The following SYN2 variants were observed in gnomAD, a reference collection of about 807,000 sequenced individuals.
SYN2 encodes synapsin-2.
Under a neutral mutation model 50.9 loss-of-function variants are expected in SYN2, and 19 were observed. That is an observed-to-expected ratio of 0.37 (90% CI 0.26 to 0.55). The LOEUF (loss-of-function observed/expected upper bound fraction) is 0.55, where lower values mean the gene tolerates loss of function less well. SYN2 is among the 20% of genes least tolerant of loss of function. The pLI is 0.81. For missense variants in SYN2, 587 were observed against 576.4 expected (o/e 1.02, Z -0.19); for synonymous variants, 255 against 224.9 (o/e 1.13, Z -1.20).
At position 12,004,669 on chromosome 3, in the gene SYN2, C is replaced by T. The variant is rs537422953; in HGVS notation, c.118C>T (p.Pro40Ser). The T allele has an allele frequency of 3.2e-4, 99 of 307,882 alleles. No individual in the cohort carries two copies. In the South Asian group the frequency reaches 7.8e-3, roughly 24 times the overall value. The allele number at this position is 307,882 out of a possible 1,614,324, so 19.1% of individuals were successfully genotyped here. ...EPQQPPPPPP[P>S]GPGAASASAA... Reference sequence around the variant, plus strand: ...CCAGCAGCCGCCGCCGCCGCCGCCCCCCGGTCCGGGCGCCGCCTCGGCCTC... The same window carrying T: ...CCAGCAGCCGCCGCCGCCGCCGCCCTCCGGTCCGGGCGCCGCCTCGGCCTC... Residue 40 changes from proline (P) to serine (S), a missense_variant, in exon 1 of 13, where the codon CCC becomes TCC. Coordinates refer to ENST00000621198, the MANE Select transcript of SYN2 (RefSeq NM_133625.6).
At chr3:12,120,707 A>G (rs1696537691) in intron 1 of SYN2, among the ~76,000 whole-genome samples, 1 of 152,116 alleles carries the variant, frequency 6.6e-6, no homozygotes, top group Non-Finnish European at 1.5e-5. Context: ...ACCTGAGGGA[A>G]TACATCTCAA....
chr3:12,009,715 A>G (rs1443817385), intron 1 of SYN2, among the ~76,000 whole-genome samples: 1 of 152,172 alleles, frequency 6.6e-6, no homozygotes, highest in African/African-American at 2.4e-5. Flanking sequence ...CCATGTAAGC[A>G]CGCTCTCACA....
At chr3:12,060,629 C>G (rs1438288771) in intron 1 of SYN2, among the ~76,000 whole-genome samples, 1 of 152,150 alleles carries the variant, frequency 6.6e-6, no homozygotes, top group African/African-American at 2.4e-5. Context: ...CACACAGACT[C>G]TATCTGAGGG....
chr3:12,046,418 G>C (rs1694739975), intron 1 of SYN2, among the ~76,000 whole-genome samples: 1 of 152,206 alleles, frequency 6.6e-6, no homozygotes, highest in Non-Finnish European at 1.5e-5. Flanking sequence ...TAGAGAGGGG[G>C]AGAATGTGTG....
rs1279030615 is a variant in SYN2, at chr3:12,042,221, T to C, written c.377+37293T>C. Among the ~76,000 whole-genome samples, 3 of 152,376 alleles carry C rather than the reference T, an allele frequency of 2.0e-5. No homozygotes were observed. The East Asian group carries it at 5.8e-4, about 29-fold the overall frequency. On this transcript the variant is annotated intron_variant, in intron 1 of 12. Transcript: ENST00000621198. ...TTTTGTAAATAATGACTAGTATTTG[T>C]ATATCATGTTAAAGTTCACAAAATG...
At chr3:12,137,224 C>T (rs1046678520) in intron 1 of SYN2, among the ~76,000 whole-genome samples, 25 of 147,628 alleles carry the variant, frequency 1.7e-4, no homozygotes, top group Non-Finnish European at 3.0e-4. Flanking sequence ...CTCTAGCCCG[C>T]GCAACAGAGC....
chr3:12,084,267 A>G (rs377166108), intron 1 of SYN2, among the ~76,000 whole-genome samples: 3 of 152,160 alleles, frequency 2.0e-5, no homozygotes, highest in Non-Finnish European at 4.4e-5. Flanking sequence ...TCAAAATAAT[A>G]GAGAGTTTTA....
chr3:12,050,120 C>G (rs573864277), intron 1 of SYN2, among the ~76,000 whole-genome samples: 96 of 151,958 alleles, frequency 6.3e-4, no homozygotes, highest in Non-Finnish European at 1.3e-3. Flanking sequence ...AGGCTGGTCT[C>G]GAACTCATGA....
At chr3:12,045,148 C>T (rs1694707098) in intron 1 of SYN2, among the ~76,000 whole-genome samples, 1 of 152,202 alleles carries the variant, frequency 6.6e-6, no homozygotes, top group Admixed American at 6.5e-5. Context: ...TGTACCACCA[C>T]CAGAGAGCTG....
Position 12,139,488 on chromosome 3 carries a change from TGGC to T in SYN2, c.378-1162_378-1160del, listed in dbSNP as rs1476622677. 2.0e-5 allele frequency among the ~76,000 whole-genome samples: 3 copies of T among 152,306 alleles called. No individual in the cohort carries two copies. The East Asian group carries it at 5.8e-4, about 29-fold the overall frequency. On this transcript the variant is annotated intron_variant, in intron 1 of 12. Coordinates refer to ENST00000621198, the MANE Select transcript of SYN2 (RefSeq NM_133625.6). ...GTGCCACAGACTTAGATGTGAATAC[TGGC>T]TCTGCCACTAACTTGCTATAGGGCC...
Position 12,158,756 on chromosome 3 carries a change from C to T in SYN2, c.775-2790C>T, listed in dbSNP as rs751613583. On this transcript the variant is annotated intron_variant, in intron 5 of 12. Transcript: ENST00000621198. ...GGGTGCGCCGGGGCGCAGCTGCATGCCTCACCCAGCCCCGGGGGCCGCAGC... is the reference window on the plus strand; with the variant it reads ...GGGTGCGCCGGGGCGCAGCTGCATGTCTCACCCAGCCCCGGGGGCCGCAGC... 48 of 1,607,452 alleles carry T rather than the reference C, an allele frequency of 3.0e-5. No homozygotes were observed. The highest frequency in any genetic ancestry group is 3.9e-5 in the Non-Finnish European group (46 of 1,179,352).
In SYN2 at chr3:12,004,507, C is replaced by G. The variant is rs746656474; in HGVS notation, c.-45C>G. On this transcript the variant is annotated 5_prime_UTR_variant, in exon 1 of 13. Coordinates refer to ENST00000621198, the MANE Select transcript of SYN2 (RefSeq NM_133625.6). Reference sequence around the variant, plus strand: ...CTTCCGCCCTCGCTCTCCCTCCGCGCCACCAGACCCCGTAGCCCCGCGCGC... The same window carrying G: ...CTTCCGCCCTCGCTCTCCCTCCGCGGCACCAGACCCCGTAGCCCCGCGCGC... 2.0e-6 allele frequency: 1 copy of G among 493,962 alleles called. No individual in the cohort carries two copies. The highest frequency in any genetic ancestry group is 3.8e-6 in the Non-Finnish European group (1 of 262,506). 30.6% of individuals were successfully genotyped at this position (493,962 alleles called of 1,614,324 possible). A position where few individuals can be genotyped will look rare whatever the true frequency, so the allele number is the denominator to read the frequency against.
rs759563134 is a variant in SYN2 at position 12,167,268 on chromosome 3, A to C, written c.1015A>C (p.Thr339Pro). Reference protein sequence around the residue: ...TSISGNWKTNTGSAMLEQIAM... With the variant: ...TSISGNWKTNPGSAMLEQIAM... ...GATCTCAGGGAACTGGAAGACGAAC[A>C]CTGGCTCTGCGATGCTGGAGCAGAT... The change falls in exon 8 of 13, where the codon ACT (threonine) becomes CCT (proline). Residue 339 changes from threonine (T) to proline (P), a missense_variant. Coordinates refer to ENST00000621198, the MANE Select transcript of SYN2 (RefSeq NM_133625.6). The C allele has an allele frequency of 6.2e-7, 1 of 1,613,068 alleles. No individual in the cohort carries two copies. Among genetic ancestry groups the C allele is most frequent in the East Asian group, 2.2e-5 (1 of 44,884 alleles).
chr3:12,070,305 CT>C (rs1465448897), intron 1 of SYN2: 7 of 499,892 alleles, frequency 1.4e-5, no homozygotes, highest in African/African-American at 5.9e-5. Context: ...ACGACGCCCC[CT>C]GAGCCGTGTT....
chr3:12,034,861 A>C (rs1240540288), intron 1 of SYN2, among the ~76,000 whole-genome samples: 2 of 152,070 alleles, frequency 1.3e-5, no homozygotes, highest in African/African-American at 4.8e-5. Flanking sequence ...TCACATGCAA[A>C]ATATATTTAT....
chr3:12,162,278 CCTTTT>C, intron 7 of SYN2, 124 bp downstream of exon 7: 1 of 1,243,876 alleles, frequency 8.0e-7, no homozygotes, highest in African/African-American at 1.5e-5. Flanking sequence ...TACCTGGGTT[CCTTTT>C]AAGTCAGAGG....
chr3:12,120,983 G>A, intron 1 of SYN2, among the ~76,000 whole-genome samples: 1 of 152,082 alleles, frequency 6.6e-6, no homozygotes, highest in East Asian at 1.9e-4. Flanking sequence ...TAACTTTTTA[G>A]TCTCATCGGC....
chr3:12,148,027 T>G (rs935455920), intron 4 of SYN2, among the ~76,000 whole-genome samples: 1 of 151,700 alleles, frequency 6.6e-6, no homozygotes, highest in Non-Finnish European at 1.5e-5. Flanking sequence ...GGCGGGAGAA[T>G]GGCGTGAACC....
chr3:12,148,485 G>C (rs1423717651), intron 4 of SYN2: 1 of 152,268 alleles, frequency 6.6e-6, no homozygotes, highest in African/African-American at 2.4e-5. Flanking sequence ...TACTATGACT[G>C]CTGTTGGTGT....
Sources: allele counts gnomAD v4.1 joint callset (sites outside exome capture counted in the v4.1 genomes callset), GRCh38; gene constraint gnomAD v4.1.1; transcripts MANE v1.5; gene names NCBI Gene and HGNC (gene_info 2026-07-23, HGNC 2026-07-21).